Variants in RALGDS observed in about 807,000 individuals in gnomAD.
The protein encoded by RALGDS is ral guanine nucleotide dissociation stimulator.
RALGDS carries 44 observed loss-of-function variants against 99.8 expected under a neutral mutation model. The ratio of observed to expected loss-of-function variants is 0.44; its 90% confidence interval spans 0.35 to 0.57. RALGDS has a LOEUF of 0.57. Among genes scored for constraint, RALGDS ranks in the 20% least tolerant of loss-of-function variants. The pLI is 0.01. For missense variants in RALGDS, 1,022 were observed against 1,203.1 expected (o/e 0.85, Z 2.23); for synonymous variants, 529 against 505.0 (o/e 1.05, Z -0.64).
chr9:133,108,493 T>C, intron 5 of RALGDS, 87 bp from the exon 6 acceptor site: 1 of 1,442,576 alleles, frequency 6.9e-7, no homozygotes, highest in Non-Finnish European at 9.4e-7. Context: ...CAGAGAAGCC[T>C]CTCTCCCCGA....
chr9:133,137,986 C>A (rs1430871038), intron 1 of RALGDS, among the ~76,000 whole-genome samples: 1 of 152,212 alleles, frequency 6.6e-6, no homozygotes, highest in African/African-American at 2.4e-5. Flanking sequence ...GGAACCAGGA[C>A]AAACGGGCCC....
At chr9:133,128,499 T>C (rs111402930) in intron 1 of RALGDS, among the ~76,000 whole-genome samples, 5,285 of 152,154 alleles carry the variant, frequency 0.035, 306 homozygotes, top group African/African-American at 0.12. Context: ...GCATCCATGA[T>C]CTCCCCTCCT....
At chr9:133,126,345 G>T (rs1832160906) in intron 1 of RALGDS, among the ~76,000 whole-genome samples, 1 of 152,244 alleles carries the variant, frequency 6.6e-6, no homozygotes, top group Admixed American at 6.5e-5. Context: ...TAAAAGGCAG[G>T]CTGTGAACTG....
chr9:133,147,660 AAT>A (rs1207264174), intron 1 of RALGDS, among the ~76,000 whole-genome samples: 8 of 152,150 alleles, frequency 5.3e-5, no homozygotes, highest in African/African-American at 1.2e-4. Flanking sequence ...CAGTTGCTCC[AAT>A]GAGTACAGTG....
At chr9:133,100,070 G>A (rs1456072210) in intron 17 of RALGDS, 198 bp downstream of exon 17, 1 of 657,490 alleles carries the variant, frequency 1.5e-6, no homozygotes, top group Non-Finnish European at 2.7e-6. Context: ...TTCACGCCTA[G>A]GGAAGGGCAC....
chr9:133,100,779 CAG>C, intron 16 of RALGDS: 1 of 1,153,992 alleles, frequency 8.7e-7, no homozygotes, highest in Non-Finnish European at 1.1e-6. Flanking sequence ...CCAGGATGCT[CAG>C]TGTGGTCAGC....
intron 5 of RALGDS, 91 bp downstream of exon 5, chr9:133,108,581 AC>A: frequency 1.3e-6 from 2 of 1,513,978 alleles, no homozygotes; most frequent in South Asian, 1.2e-5. Flanking sequence ...TGGGCCCCTG[AC>A]CCAGCACCAG....
At chr9:133,147,671 T>A (rs1418313464) in intron 1 of RALGDS, among the ~76,000 whole-genome samples, 6 of 152,282 alleles carry the variant, frequency 3.9e-5, no homozygotes, top group South Asian at 2.1e-4. Context: ...ATGAGTACAG[T>A]GGGCACTGCC....
chr9:133,138,303 C>T (rs1379734965), intron 1 of RALGDS, among the ~76,000 whole-genome samples: 2 of 152,200 alleles, frequency 1.3e-5, no homozygotes, highest in African/African-American at 4.8e-5. Context: ...CTGTGTCCCA[C>T]CCTCCTGCCA....
intron 1 of RALGDS, among the ~76,000 whole-genome samples, chr9:133,113,457 G>A (rs562327318): frequency 1.6e-4 from 25 of 152,292 alleles, no homozygotes; most frequent in East Asian, 1.9e-4. Flanking sequence ...GGAAAGCTGC[G>A]GGCATTGTGC....
At chr9:133,143,144 C>T (rs1832552308) in intron 1 of RALGDS, among the ~76,000 whole-genome samples, 1 of 152,242 alleles carries the variant, frequency 6.6e-6, no homozygotes. Flanking sequence ...GGAGAATAGT[C>T]CTGTGGCTAG....
At chr9:133,106,066 GGT>G in intron 8 of RALGDS, 50 bp from the exon 9 acceptor site, 1 of 1,425,378 alleles carries the variant, frequency 7.0e-7, no homozygotes, top group Non-Finnish European at 9.8e-7. Context: ...GGTAGGGAGG[GGT>G]GTGAGTGCAA....
In RALGDS at chr9:133,107,132, C is replaced by T. The variant is rs1831104857; in HGVS notation, c.1366G>A (p.Ala456Thr). The T allele has an allele frequency of 3.1e-6, 5 of 1,613,636 alleles. No homozygotes were observed. The highest frequency in any genetic ancestry group is 1.6e-4 in the Middle Eastern group (1 of 6,084). ...TTCLGNRSTK[A>T]PDRARVVEHW... ...TCCACCACCCTGGCCCTGTCTGGGG[C>T]TTTCGTGCTTCGGTTCCCGAGGCAG... The change falls in exon 7 of 18, where the codon GCC (alanine) becomes ACC (threonine). Residue 456 changes from alanine to threonine, a missense_variant. Coordinates refer to ENST00000372050, the MANE Select transcript of RALGDS (RefSeq NM_006266.4).
chr9:133,103,596 T>C, intron 11 of RALGDS, 151 bp downstream of exon 11: 1 of 862,484 alleles, frequency 1.2e-6, no homozygotes, highest in Non-Finnish European at 2.0e-6. Context: ...CAAACCCTGC[T>C]GCAGCTCTGT....
At chr9:133,142,511 G>A (rs1289005019) in intron 1 of RALGDS, among the ~76,000 whole-genome samples, 1 of 151,980 alleles carries the variant, frequency 6.6e-6, no homozygotes. Context: ...TTTTTTCTGG[G>A]GCTTGTCATT....
intron 1 of RALGDS, among the ~76,000 whole-genome samples, chr9:133,126,445 C>T (rs1019262484): frequency 6.6e-6 from 1 of 152,244 alleles, no homozygotes; most frequent in Non-Finnish European, 1.5e-5. Flanking sequence ...AAAGGTCAGG[C>T]GACTTCACAT....
At chr9:133,148,988 C>A (rs1404096782) in exon 1 of RALGDS, 1 of 1,585,648 alleles carries the variant, frequency 6.3e-7, no homozygotes, top group East Asian at 2.3e-5. Flanking sequence ...CATCCTCAGC[C>A]TCGGTGGCAC....
chr9:133,107,531 AC>A (rs1269736526), intron 6 of RALGDS, among the ~76,000 whole-genome samples: 1 of 148,650 alleles, frequency 6.7e-6, no homozygotes, highest in African/African-American at 2.5e-5. Flanking sequence ...ACGCCTGCCC[AC>A]CCCCCATCCC....
upstream of RALGDS, among the ~76,000 whole-genome samples, chr9:133,133,022 C>T (rs1213728348): frequency 6.6e-6 from 1 of 152,216 alleles, no homozygotes; most frequent in Non-Finnish European, 1.5e-5. Context: ...TGTTTGTGAG[C>T]TAATGCCTTT....
Sources: gnomAD v4.1 joint callset for allele counts (sites outside exome capture counted in the v4.1 genomes callset) on GRCh38, gnomAD v4.1.1 for gene constraint, MANE v1.5 for transcripts, NCBI Gene and HGNC (gene_info 2026-07-23, HGNC 2026-07-21) for gene names.